The following CNTNAP2 variants were observed in gnomAD, a reference collection of about 807,000 sequenced individuals.
CNTNAP2 encodes contactin-associated protein-like 2.
In CNTNAP2, 98 loss-of-function variants were observed where a neutral mutation model predicts 155.2. The ratio of observed to expected loss-of-function variants is 0.63; its 90% CI spans 0.54 to 0.75. The LOEUF (loss-of-function observed/expected upper bound fraction) is 0.75. CNTNAP2 is among the 30% of genes least tolerant of loss of function. CNTNAP2 has a pLI of 0.00. For synonymous variants in CNTNAP2, 651 were observed against 631.2 expected (o/e 1.03, Z -0.47); for missense variants, 1,727 against 1,688.1 (o/e 1.02, Z -0.40).
At chr7:147,746,913 G>A (rs1321450431) in intron 13 of CNTNAP2, among the ~76,000 whole-genome samples, 1 of 152,062 alleles carries the variant, frequency 6.6e-6, no homozygotes, top group Admixed American at 6.5e-5. Context: ...TGGGCTTTAG[G>A]GCCACAGATC....
At chr7:146,887,432 G>A (rs955806735) in intron 3 of CNTNAP2, among the ~76,000 whole-genome samples, 1 of 151,926 alleles carries the variant, frequency 6.6e-6, no homozygotes, top group African/African-American at 2.4e-5. Context: ...GGAGGCCGAG[G>A]CAGCGGATCA....
intron 3 of CNTNAP2, among the ~76,000 whole-genome samples, chr7:146,886,345 TTG>T (rs1795659642): frequency 6.6e-6 from 1 of 151,852 alleles, no homozygotes; most frequent in Non-Finnish European, 1.5e-5. Flanking sequence ...CTGCCAAAAT[TTG>T]CCCTCCTACA....
chr7:147,737,342 T>C (rs1444254536), intron 13 of CNTNAP2, among the ~76,000 whole-genome samples: 1 of 152,136 alleles, frequency 6.6e-6, no homozygotes, highest in Non-Finnish European at 1.5e-5. Flanking sequence ...ACAGTGAATA[T>C]TGGTGAACAG....
intron 1 of CNTNAP2, among the ~76,000 whole-genome samples, chr7:146,499,691 G>A (rs1263417763): frequency 6.6e-6 from 1 of 151,876 alleles, no homozygotes; most frequent in African/African-American, 2.4e-5. Context: ...AACATGCGGT[G>A]TTTGGTTACC....
At chr7:146,666,998 T>C (rs1490799051) in intron 1 of CNTNAP2, among the ~76,000 whole-genome samples, 1 of 152,136 alleles carries the variant, frequency 6.6e-6, no homozygotes, top group East Asian at 1.9e-4. Flanking sequence ...TGATACCATT[T>C]GTTTATTTTT....
At chr7:147,894,047 G>A (rs1799736180) in intron 13 of CNTNAP2, 1 of 152,128 alleles carries the variant, frequency 6.6e-6, no homozygotes, top group Non-Finnish European at 1.5e-5. Flanking sequence ...ACTCTATAGA[G>A]GCTACAGCAC....
intron 13 of CNTNAP2, among the ~76,000 whole-genome samples, chr7:147,742,653 G>A (rs1228720769): frequency 6.6e-6 from 1 of 152,186 alleles, no homozygotes; most frequent in Non-Finnish European, 1.5e-5. Context: ...ATGTAGAGTA[G>A]GATTCTGGAT....
At chr7:147,772,148 A>G (rs1160221638) in intron 13 of CNTNAP2, among the ~76,000 whole-genome samples, 2 of 151,882 alleles carry the variant, frequency 1.3e-5, no homozygotes, top group East Asian at 1.9e-4. Context: ...GTAATTGGCC[A>G]GGCATGGTGG....
intron 21 of CNTNAP2, among the ~76,000 whole-genome samples, chr7:148,361,400 C>T (rs1039114728): frequency 2.6e-5 from 4 of 152,156 alleles, no homozygotes; most frequent in African/African-American, 9.7e-5. Flanking sequence ...GGGTGGCTTA[C>T]AGCAATACAG....
intron 1 of CNTNAP2, among the ~76,000 whole-genome samples, chr7:146,309,544 G>A (rs1800782140): frequency 6.6e-6 from 1 of 152,118 alleles, no homozygotes; most frequent in Non-Finnish European, 1.5e-5. Context: ...GCTCATGCAT[G>A]TAATCCCAGC....
At chr7:146,142,230 T>C (rs979607380) in intron 1 of CNTNAP2, among the ~76,000 whole-genome samples, 7 of 152,210 alleles carry the variant, frequency 4.6e-5, no homozygotes, top group African/African-American at 1.7e-4. Flanking sequence ...CCTGAACAGA[T>C]GTAGCCCCAA....
At chr7:147,682,496 A>C (rs1795960788) in intron 13 of CNTNAP2, among the ~76,000 whole-genome samples, 1 of 151,970 alleles carries the variant, frequency 6.6e-6, no homozygotes, top group Admixed American at 6.6e-5. Context: ...CATTATAGTT[A>C]TTAATTACAA....
At position 146,314,901 on chromosome 7, in the gene CNTNAP2, A is replaced by C. The variant is rs544847362; in HGVS notation, c.97+197928A>C. On this transcript the variant is annotated intron_variant, in intron 1 of 23. Coordinates refer to ENST00000361727, the MANE Select transcript of CNTNAP2 (RefSeq NM_014141.6). ...GGTCTCTCTGCTTCCTTCCAATAAG[A>C]GATTGCGGAGTTTATCTCTAGAGCA... Among the ~76,000 whole-genome samples the C allele has an allele frequency of 2.0e-5, 3 of 152,158 alleles. No individual in the cohort carries two copies. The East Asian group carries it at 5.9e-4, about 30-fold the overall frequency.
intron 13 of CNTNAP2, among the ~76,000 whole-genome samples, chr7:147,869,676 T>A (rs1364834230): frequency 1.3e-5 from 2 of 152,224 alleles, no homozygotes; most frequent in Non-Finnish European, 2.9e-5. Context: ...TCCGGAGGGA[T>A]GTATAAGTGT....
At chr7:146,546,529 G>A (rs1034358518) in intron 1 of CNTNAP2, among the ~76,000 whole-genome samples, 3 of 151,778 alleles carry the variant, frequency 2.0e-5, no homozygotes, top group African/African-American at 4.8e-5. Context: ...TAATAGAGCT[G>A]CCTCCCCTTC....
intron 1 of CNTNAP2, among the ~76,000 whole-genome samples, chr7:146,289,857 G>A (rs1466185887): frequency 6.6e-6 from 1 of 151,910 alleles, no homozygotes; most frequent in Non-Finnish European, 1.5e-5. Flanking sequence ...CTAAAACATT[G>A]TCAATTTCAT....
At chr7:146,913,704 A>C (rs1796336003) in intron 3 of CNTNAP2, among the ~76,000 whole-genome samples, 1 of 151,952 alleles carries the variant, frequency 6.6e-6, no homozygotes, top group African/African-American at 2.4e-5. Flanking sequence ...TTACCTCCCA[A>C]AGCCCCTCTC....
intron 1 of CNTNAP2, among the ~76,000 whole-genome samples, chr7:146,522,623 A>C (rs1797631321): frequency 6.6e-6 from 1 of 152,014 alleles, no homozygotes; most frequent in Admixed American, 6.6e-5. Context: ...CCACAATTAA[A>C]GTTTGAAATT....
intron 13 of CNTNAP2, among the ~76,000 whole-genome samples, chr7:147,709,984 G>T (rs78914962): frequency 0.05 from 7,586 of 152,098 alleles, 227 homozygotes; most frequent in Middle Eastern, 0.12. Context: ...ATGCCCAAAA[G>T]ATCTGTCTTT....
Sources: gnomAD v4.1 joint callset for allele counts (sites outside exome capture counted in the v4.1 genomes callset) on GRCh38, gnomAD v4.1.1 for gene constraint, MANE v1.5 for transcripts, NCBI Gene and HGNC (gene_info 2026-07-23, HGNC 2026-07-21) for gene names.